Variants in KAT2B observed in about 807,000 individuals in gnomAD.
KAT2B encodes the protein histone acetyltransferase KAT2B.
In KAT2B, 36 loss-of-function variants were observed where a neutral mutation model predicts 105.9. That is an observed-to-expected ratio of 0.34 (90% confidence interval 0.26 to 0.45). The LOEUF (loss-of-function observed/expected upper bound fraction) is 0.45. Ranked by LOEUF, KAT2B falls within the 20% of genes least tolerant of loss-of-function variation. The probability of loss-of-function intolerance (pLI) is 1.00; values close to 1 mark genes in which losing one functional copy is unlikely to be tolerated. For synonymous variants in KAT2B, 397 were observed against 377.9 expected, an observed-to-expected ratio of 1.05 and a Z score of -0.59; for missense variants, 820 against 1,021.6, an observed-to-expected ratio of 0.80 and a Z score of 2.69.
At chr3:20,144,578 CAA>C (rs1699753142) in intron 13 of KAT2B, among the ~76,000 whole-genome samples, 10 of 149,454 alleles carry the variant, frequency 6.7e-5, no homozygotes, top group Admixed American at 6.7e-4. Context: ...CGTGAGCCAC[CAA>C]GCCCAGCCAG....
intron 2 of KAT2B, among the ~76,000 whole-genome samples, chr3:20,082,627 A>T (rs972161309): frequency 6.6e-6 from 1 of 151,774 alleles, no homozygotes; most frequent in African/African-American, 2.4e-5. Flanking sequence ...TTAAAAACAA[A>T]CTCTTTAAAG....
chr3:20,073,740 G>A (rs1387464904), intron 2 of KAT2B, among the ~76,000 whole-genome samples: 3 of 152,058 alleles, frequency 2.0e-5, no homozygotes, highest in African/African-American at 4.8e-5. Context: ...AAAACAGAAC[G>A]AAACAAAACA....
At chr3:20,117,050 C>T (rs1298862496) in intron 7 of KAT2B, among the ~76,000 whole-genome samples, 1 of 152,132 alleles carries the variant, frequency 6.6e-6, no homozygotes, top group Non-Finnish European at 1.5e-5. Context: ...GCAGGATCAA[C>T]ATAGTTCTCC....
At chr3:20,098,040 G>A (rs1043917833) in intron 3 of KAT2B, among the ~76,000 whole-genome samples, 9 of 151,962 alleles carry the variant, frequency 5.9e-5, no homozygotes, top group African/African-American at 2.2e-4. Flanking sequence ...GACCAGCCTG[G>A]CAAACATGGT....
intron 1 of KAT2B, among the ~76,000 whole-genome samples, chr3:20,055,058 G>A (rs1697982721): frequency 6.6e-6 from 1 of 151,988 alleles, no homozygotes; most frequent in African/African-American, 2.4e-5. Flanking sequence ...AAGGGTGGGA[G>A]AGAGACCCAG....
intron 1 of KAT2B, among the ~76,000 whole-genome samples, chr3:20,049,526 A>G (rs1322992930): frequency 6.6e-6 from 1 of 152,128 alleles, no homozygotes; most frequent in Non-Finnish European, 1.5e-5. Flanking sequence ...CCTATGCACC[A>G]TTTTGCCTCC....
intron 11 of KAT2B, among the ~76,000 whole-genome samples, chr3:20,131,010 CTTTTT>C (rs148208028): frequency 4.0e-5 from 3 of 74,702 alleles, no homozygotes; most frequent in Admixed American, 2.0e-4. Flanking sequence ...GTTTCCTGGC[CTTTTT>C]TTTTTTTTTT....
At chr3:20,151,221 TC>T (rs1458777814) in intron 17 of KAT2B, among the ~76,000 whole-genome samples, 1 of 152,226 alleles carries the variant, frequency 6.6e-6, no homozygotes, top group Non-Finnish European at 1.5e-5. Flanking sequence ...TAGGCTTTAT[TC>T]AAGAGATAGG....
intron 9 of KAT2B, among the ~76,000 whole-genome samples, chr3:20,125,184 G>A (rs1699378203): frequency 6.6e-6 from 1 of 151,896 alleles, no homozygotes; most frequent in Non-Finnish European, 1.5e-5. Context: ...TTAGCTGGGC[G>A]CCGTGGCAGG....
At chr3:20,095,478 C>A in intron 3 of KAT2B, 70 bp downstream of exon 3, 1 of 1,104,880 alleles carries the variant, frequency 9.1e-7, no homozygotes, top group South Asian at 1.6e-5. Flanking sequence ...TATGCCAGGT[C>A]GTGGCTGTGA....
At chr3:20,053,103 G>A (rs568206466) in intron 1 of KAT2B, among the ~76,000 whole-genome samples, 1 of 152,342 alleles carries the variant, frequency 6.6e-6, no homozygotes, top group Admixed American at 6.5e-5. Context: ...TTTCCCCTTG[G>A]TTCATGGCAG....
At chr3:20,053,281 G>A (rs557777026) in intron 1 of KAT2B, among the ~76,000 whole-genome samples, 12 of 152,234 alleles carry the variant, frequency 7.9e-5, no homozygotes, top group Admixed American at 4.6e-4. Flanking sequence ...CCCAGGTGTG[G>A]GATCCTACTT....
chr3:20,046,056 G>A (rs1430393410), intron 1 of KAT2B, among the ~76,000 whole-genome samples: 3 of 152,210 alleles, frequency 2.0e-5, no homozygotes, highest in Admixed American at 1.3e-4. Context: ...TGTATAAAGT[G>A]GTGATCATGA....
chr3:20,071,799 A>G (rs1398778279), intron 1 of KAT2B, among the ~76,000 whole-genome samples: 1 of 152,198 alleles, frequency 6.6e-6, no homozygotes, highest in African/African-American at 2.4e-5. Context: ...AGCTCACAGA[A>G]GTCTTGGAGG....
intron 1 of KAT2B, among the ~76,000 whole-genome samples, chr3:20,047,081 C>CCT (rs1553643820): frequency 2.0e-5 from 3 of 147,910 alleles, no homozygotes; most frequent in East Asian, 3.9e-4. Flanking sequence ...TTGCCCCCCC[C>CCT]TTTTTTTTTT....
At chr3:20,097,874 C>T (rs1457925446) in intron 3 of KAT2B, among the ~76,000 whole-genome samples, 1 of 152,062 alleles carries the variant, frequency 6.6e-6, no homozygotes, top group South Asian at 2.1e-4. Flanking sequence ...AAGGCAGTTC[C>T]TGTGTCTCAT....
At chr3:20,053,979 G>C (rs943938406) in intron 1 of KAT2B, among the ~76,000 whole-genome samples, 1 of 152,012 alleles carries the variant, frequency 6.6e-6, no homozygotes, top group South Asian at 2.1e-4. Flanking sequence ...TGTATTTTTA[G>C]TAGAGATGGG....
intron 1 of KAT2B, among the ~76,000 whole-genome samples, chr3:20,067,130 T>A (rs768632240): frequency 1.8e-4 from 27 of 152,152 alleles, no homozygotes; most frequent in Non-Finnish European, 3.7e-4. Context: ...TCTCAGTCAT[T>A]ATGAACAAAA....
At chr3:20,137,231 T>C (rs1699618037) in intron 12 of KAT2B, among the ~76,000 whole-genome samples, 179 bp downstream of exon 12, 1 of 152,210 alleles carries the variant, frequency 6.6e-6, no homozygotes. Context: ...CACTAGCACA[T>C]AGTAAGTATT....
Sources: allele counts gnomAD v4.1 joint callset (sites outside exome capture counted in the v4.1 genomes callset), GRCh38; gene constraint gnomAD v4.1.1; transcripts MANE v1.5; gene names NCBI Gene and HGNC (gene_info 2026-07-23, HGNC 2026-07-21).